GUCY1A2: variants seen among roughly 807,000 people sequenced by gnomAD.
GUCY1A2 encodes the protein guanylate cyclase soluble subunit alpha-2.
In GUCY1A2, 27 loss-of-function variants were observed where a neutral mutation model predicts 63.5. The observed-to-expected ratio is 0.43, with a 90% CI of 0.31 to 0.59. The LOEUF (loss-of-function observed/expected upper bound fraction) is 0.59. Among genes scored for constraint, GUCY1A2 ranks in the 20% least tolerant of loss-of-function variants. The pLI, the probability that GUCY1A2 is intolerant of heterozygous loss-of-function variation, is 0.11. For synonymous variants in GUCY1A2, 364 were observed against 343.5 expected (o/e 1.06, Z -0.66); for missense variants, 768 against 913.3 (o/e 0.84, Z 2.05).
intron 4 of GUCY1A2, chr11:106,825,002 T>C: frequency 2.5e-6 from 4 of 1,592,904 alleles, no homozygotes; most frequent in Non-Finnish European, 3.4e-6. Context: ...TTTATGCATG[T>C]ATATGCCACT....
chr11:106,928,871 C>G (rs1379651820), intron 4 of GUCY1A2, among the ~76,000 whole-genome samples: 1 of 152,134 alleles, frequency 6.6e-6, no homozygotes, highest in East Asian at 1.9e-4. Context: ...TCTGACTAAA[C>G]CATCAATGTG....
chr11:106,787,617 A>ACCT (rs1473692663), intron 5 of GUCY1A2, among the ~76,000 whole-genome samples: 1 of 49,872 alleles, frequency 2.0e-5, no homozygotes, highest in Non-Finnish European at 4.6e-5. Context: ...GAAAGAGAGA[A>ACCT]CAAGAGAAAA....
chr11:106,827,816 A>G (rs1055541648), intron 4 of GUCY1A2: 2 of 1,597,498 alleles, frequency 1.3e-6, no homozygotes, highest in Non-Finnish European at 8.6e-7. Flanking sequence ...ACTGCTCCGC[A>G]CAAGTGACGC....
intron 7 of GUCY1A2, among the ~76,000 whole-genome samples, chr11:106,705,674 A>G (rs1270069575): frequency 6.6e-6 from 1 of 151,908 alleles, no homozygotes; most frequent in East Asian, 1.9e-4. Context: ...TCCTGGCTAA[A>G]AAGATGAAAC....
chr11:106,691,890 A>T (rs1010225675), intron 7 of GUCY1A2, among the ~76,000 whole-genome samples: 1 of 152,202 alleles, frequency 6.6e-6, no homozygotes, highest in Non-Finnish European at 1.5e-5. Context: ...GTAGATAAGA[A>T]CACTGAAGTG....
intron 3 of GUCY1A2, among the ~76,000 whole-genome samples, chr11:106,973,616 G>A (rs918836352): frequency 7.9e-5 from 12 of 152,060 alleles, no homozygotes; most frequent in South Asian, 2.1e-4. Context: ...GAGGAGTGAT[G>A]ACACAGTCAA....
At chr11:106,796,641 TC>T (rs1864767148) in intron 5 of GUCY1A2, among the ~76,000 whole-genome samples, 1 of 152,196 alleles carries the variant, frequency 6.6e-6, no homozygotes, top group African/African-American at 2.4e-5. Flanking sequence ...TGCTGAGAGA[TC>T]AGCTGTTAGT....
rs375731175 is a variant in GUCY1A2, at chr11:106,842,503, T to C, written c.1207-32025A>G. On this transcript the variant is annotated intron_variant, in intron 4 of 7. Transcript: ENST00000526355. ...CTATATTCCTATATTTCTATAAGAC[T>C]AAAAATGGCATTAGTGCCACTATTT... 3.9e-5 allele frequency among the ~76,000 whole-genome samples: 6 copies of C among 152,164 alleles called. No homozygotes were observed. In the East Asian group the frequency reaches 7.8e-4, roughly 20 times the overall value.
chr11:106,819,416 A>C (rs1858872474), intron 4 of GUCY1A2, among the ~76,000 whole-genome samples: 1 of 152,184 alleles, frequency 6.6e-6, no homozygotes. Flanking sequence ...CAATCGATGC[A>C]GCAAACTTCA....
intron 4 of GUCY1A2, among the ~76,000 whole-genome samples, chr11:106,899,564 CTGT>C (rs555605660): frequency 7.8e-4 from 118 of 152,256 alleles, no homozygotes; most frequent in Non-Finnish European, 1.2e-3. Flanking sequence ...TTCAAGCAAC[CTGT>C]TGTTTAGTCT....
chr11:106,775,805 C>T (rs1864347411), intron 6 of GUCY1A2, among the ~76,000 whole-genome samples: 1 of 149,412 alleles, frequency 6.7e-6, no homozygotes, highest in African/African-American at 2.5e-5. Flanking sequence ...AAAGTAATGA[C>T]ACTTCTGGGA....
intron 4 of GUCY1A2, among the ~76,000 whole-genome samples, chr11:106,878,732 T>C (rs564917893): frequency 1.0e-4 from 15 of 148,372 alleles, no homozygotes; most frequent in Non-Finnish European, 1.8e-4. Flanking sequence ...CCCCATGATA[T>C]GAGTTTACCT....
At chr11:106,929,022 G>A (rs532203787) in intron 4 of GUCY1A2, among the ~76,000 whole-genome samples, 1 of 152,290 alleles carries the variant, frequency 6.6e-6, no homozygotes, top group African/African-American at 2.4e-5. Context: ...AATAGAAACT[G>A]ATCTCTCTAA....
At chr11:106,895,365 G>A (rs1160290544) in intron 4 of GUCY1A2, among the ~76,000 whole-genome samples, 2 of 152,022 alleles carry the variant, frequency 1.3e-5, no homozygotes, top group African/African-American at 4.8e-5. Flanking sequence ...TAGAAGTGAT[G>A]AGAATACTTG....
At chr11:106,953,285 T>G (rs1168503148) in intron 3 of GUCY1A2, among the ~76,000 whole-genome samples, 3 of 152,220 alleles carry the variant, frequency 2.0e-5, no homozygotes, top group Non-Finnish European at 4.4e-5. Context: ...GATAATCATG[T>G]GCTTTTTGTC....
chr11:106,693,483 G>A (rs1354403999), intron 7 of GUCY1A2, among the ~76,000 whole-genome samples: 1 of 151,994 alleles, frequency 6.6e-6, no homozygotes, highest in African/African-American at 2.4e-5. Context: ...TTGGTACAAT[G>A]ACAATTAGTG....
intron 4 of GUCY1A2, among the ~76,000 whole-genome samples, chr11:106,909,393 G>GTGTGTGTGTGTGTGTATA (rs1860261760): frequency 1.4e-5 from 2 of 147,736 alleles, no homozygotes; most frequent in African/African-American, 5.0e-5. Flanking sequence ...GTGTGTGTAC[G>GTGTGTGTGTGTGTGTATA]CTTTTCATTC....
In GUCY1A2 at chr11:106,674,856, A is replaced by G. The variant is rs1307579523; in HGVS notation, c.*12693T>C. 2.3e-5 allele frequency: 5 copies of G among 217,324 alleles called. No individual in the cohort carries two copies. The East Asian group carries it at 3.4e-4, about 15-fold the overall frequency. 13.5% of individuals were successfully genotyped at this position (217,324 alleles called of 1,614,324 possible). ...AAAACCACCCCATGCAGAGGATGCTAATGAAGGCCGAGCACATTATAACTG... is the reference window on the plus strand; with the variant it reads ...AAAACCACCCCATGCAGAGGATGCTGATGAAGGCCGAGCACATTATAACTG... On this transcript the variant is annotated 3_prime_UTR_variant, in exon 8 of 8. Transcript: ENST00000526355.
At chr11:106,754,791 A>T (rs1053003664) in intron 6 of GUCY1A2, among the ~76,000 whole-genome samples, 1 of 152,186 alleles carries the variant, frequency 6.6e-6, no homozygotes, top group Non-Finnish European at 1.5e-5. Context: ...ATCAATGTTC[A>T]TCAGGGATAT....
Sources: gnomAD v4.1 joint callset for allele counts (sites outside exome capture counted in the v4.1 genomes callset) on GRCh38, gnomAD v4.1.1 for gene constraint, MANE v1.5 for transcripts, NCBI Gene and HGNC (gene_info 2026-07-23, HGNC 2026-07-21) for gene names.